The following KLF7 variants were observed in gnomAD, a reference collection of about 807,000 sequenced individuals.
The protein encoded by KLF7 is Krueppel-like factor 7.
KLF7 carries 2 observed loss-of-function variants against 27.3 expected under a neutral mutation model. That is an observed-to-expected ratio of 0.07 (90% CI 0.03 to 0.23). KLF7 has a LOEUF of 0.23. Ranked by LOEUF, KLF7 falls within the 10% of genes least tolerant of loss-of-function variation. KLF7 has a pLI of 1.00. For synonymous variants in KLF7, 165 were observed against 162.4 expected (o/e 1.02, Z -0.12); for missense variants, 221 against 394.1 (o/e 0.56, Z 3.72).
At chr2:207,166,904 C>T (rs1187273837), upstream of KLF7, 92 of 1,060,396 alleles carry the variant, frequency 8.7e-5, no homozygotes, top group Non-Finnish European at 1.1e-4. Context: ...TGCGCCCGCC[C>T]CCCGCTTGCG....
intron 1 of KLF7, among the ~76,000 whole-genome samples, chr2:207,126,809 CAAA>C (rs35099385): frequency 7.8e-6 from 1 of 128,932 alleles, no homozygotes; most frequent in Non-Finnish European, 1.7e-5. Context: ...CTGTTTCTAC[CAAA>C]AAAAAAAAAA....
At chr2:207,168,324 G>T (rs927862322), upstream of KLF7, among the ~76,000 whole-genome samples, 1 of 152,138 alleles carries the variant, frequency 6.6e-6, no homozygotes, top group Non-Finnish European at 1.5e-5. Context: ...CGAATGTGCC[G>T]TATGCGCATA....
At chr2:207,102,739 C>T (rs937611992) in intron 2 of KLF7, among the ~76,000 whole-genome samples, 7 of 152,184 alleles carry the variant, frequency 4.6e-5, no homozygotes, top group East Asian at 1.9e-4. Flanking sequence ...TAGCAGCAAC[C>T]GCCAGTTGTC....
chr2:207,170,282 ACT>A (rs1177167526), upstream of KLF7, among the ~76,000 whole-genome samples: 5 of 152,158 alleles, frequency 3.3e-5, no homozygotes, highest in East Asian at 1.9e-4. Flanking sequence ...CAAAACCCTG[ACT>A]CTCTTCAATA....
chr2:207,100,558 A>G (rs934728833), intron 2 of KLF7, among the ~76,000 whole-genome samples: 9 of 152,238 alleles, frequency 5.9e-5, no homozygotes, highest in Admixed American at 2.0e-4. Context: ...CACTTCTTAC[A>G]TAACCCTCTA....
upstream of KLF7, chr2:207,166,025 CT>C (rs1438253277): frequency 1.2e-5 from 9 of 739,406 alleles, no homozygotes; most frequent in African/African-American, 7.0e-5. Flanking sequence ...CTTCCCCCCC[CT>C]TCCCTTCCCT....
At chr2:207,123,130 C>T (rs919411756) in intron 2 of KLF7, among the ~76,000 whole-genome samples, 1 of 152,140 alleles carries the variant, frequency 6.6e-6, no homozygotes, top group African/African-American at 2.4e-5. Flanking sequence ...ATCCCTCCCC[C>T]ACCCGCTCTT....
chr2:207,170,293 T>C (rs7596774), upstream of KLF7, among the ~76,000 whole-genome samples: 12,700 of 152,154 alleles, frequency 0.083, 1,777 homozygotes, highest in African/African-American at 0.29. Context: ...CTCTCTTCAA[T>C]ATTACGAAGG....
chr2:207,119,851 G>A (rs184478065), intron 2 of KLF7, among the ~76,000 whole-genome samples: 43 of 152,170 alleles, frequency 2.8e-4, no homozygotes, highest in Non-Finnish European at 4.7e-4. Flanking sequence ...CTACAGGCAC[G>A]CGCCACACGC....
chr2:207,123,966 C>T lies in KLF7; in HGVS notation c.541G>A (p.Val181Ile). ...AALSSVKVGG[V>I]ATAAAAVTAA... is the part of the protein sequence containing the mutation. Reference sequence around the variant, plus strand: ...GTCACGGCTGCTGCAGCTGTTGCGACCCCTCCCACCTTTACGGAGCTGAGA... The same window carrying T: ...GTCACGGCTGCTGCAGCTGTTGCGATCCCTCCCACCTTTACGGAGCTGAGA... The change falls in exon 2 of 4, where the codon GTC (valine) becomes ATC (isoleucine). Residue 181 changes from valine (V) to isoleucine (I), a missense_variant. Val to Ile is a conservative substitution (Grantham distance 29). Coordinates refer to ENST00000309446, the MANE Select transcript of KLF7 (RefSeq NM_003709.4). 6.2e-7 allele frequency: 1 copy of T among 1,614,202 alleles called. No individual in the cohort carries two copies. Among genetic ancestry groups the T allele is most frequent in the Non-Finnish European group, 8.5e-7 (1 of 1,180,044 alleles).
intron 2 of KLF7, among the ~76,000 whole-genome samples, chr2:207,100,181 G>A (rs2076733189): frequency 6.6e-6 from 1 of 152,156 alleles, no homozygotes; most frequent in Non-Finnish European, 1.5e-5. Context: ...TCCAGATCAT[G>A]GAGAGAAGGG....
rs1056449336 is a variant in KLF7, at chr2:207,076,778, A to C, written c.*4435T>G. ...CCATGTTCACCGAAATTTAATCCAG[A>C]CACCCTGAATTTGAGTCCTCCCCTC... On this transcript the variant is annotated 3_prime_UTR_variant, in exon 4 of 4. Transcript: ENST00000309446. The C allele has an allele frequency of 6.6e-6, 1 of 152,110 alleles. No individual in the cohort carries two copies. The highest frequency in any genetic ancestry group is 1.5e-5 in the Non-Finnish European group (1 of 68,034). 9.4% of individuals were successfully genotyped at this position (152,110 alleles called of 1,614,324 possible). A position where few individuals can be genotyped will look rare whatever the true frequency, so the allele number is the denominator to read the frequency against.
At chr2:207,170,701 TAGA>T (rs1036164997), upstream of KLF7, among the ~76,000 whole-genome samples, 3 of 152,136 alleles carry the variant, frequency 2.0e-5, no homozygotes, top group African/African-American at 7.2e-5. Context: ...GTTCTATAAA[TAGA>T]AGAACAAAGC....
At position 207,078,048 on chromosome 2, in the gene KLF7, G is replaced by C. The variant is rs1247987740; in HGVS notation, c.*3165C>G. 6.6e-6 allele frequency: 1 copy of C among 152,170 alleles called. No homozygotes were observed. Among genetic ancestry groups the C allele is most frequent in the East Asian group, 1.9e-4 (1 of 5,194 alleles). 9.4% of individuals were successfully genotyped at this position (152,170 alleles called of 1,614,324 possible). A position where few individuals can be genotyped will look rare whatever the true frequency, so the allele number is the denominator to read the frequency against. The stretch of plus-strand genomic sequence containing the variant: ...CAAAATGTCTTCAGGTTACTTCTTG[G>C]AAAACCTGCTCGCTCTAGCGGCTCT... On this transcript the variant is annotated 3_prime_UTR_variant, in exon 4 of 4. Coordinates refer to ENST00000309446, the MANE Select transcript of KLF7 (RefSeq NM_003709.4).
intron 2 of KLF7, among the ~76,000 whole-genome samples, chr2:207,091,865 G>A (rs2076519938): frequency 6.6e-6 from 1 of 152,164 alleles, no homozygotes; most frequent in Non-Finnish European, 1.5e-5. Flanking sequence ...TGATCTTGGA[G>A]GGTGGACATA....
At chr2:207,085,701 G>A (rs547937321) in intron 3 of KLF7, among the ~76,000 whole-genome samples, 93 of 152,298 alleles carry the variant, frequency 6.1e-4, no homozygotes, top group Non-Finnish European at 5.4e-4. Flanking sequence ...GATAAGGCAT[G>A]GATACAAAGA....
intron 2 of KLF7, among the ~76,000 whole-genome samples, chr2:207,116,471 A>T (rs2105959328): frequency 6.6e-6 from 1 of 152,312 alleles, no homozygotes; most frequent in East Asian, 1.9e-4. Context: ...CTACATTATT[A>T]TTTCAACTTC....
intron 1 of KLF7, among the ~76,000 whole-genome samples, chr2:207,153,768 A>G (rs1014080304): frequency 2.0e-5 from 3 of 152,196 alleles, no homozygotes; most frequent in Non-Finnish European, 2.9e-5. Flanking sequence ...GAAAGAGACT[A>G]GACAAAGAAC....
intron 2 of KLF7, among the ~76,000 whole-genome samples, chr2:207,095,765 T>C (rs1336134831): frequency 6.6e-6 from 1 of 152,184 alleles, no homozygotes; most frequent in Admixed American, 6.5e-5. Context: ...AAACATACAA[T>C]ACACACTGGA....
Sources: gnomAD v4.1 joint callset for allele counts (sites outside exome capture counted in the v4.1 genomes callset) on GRCh38, gnomAD v4.1.1 for gene constraint, MANE v1.5 for transcripts, NCBI Gene and HGNC (gene_info 2026-07-23, HGNC 2026-07-21) for gene names.